KCNB2: variants seen among roughly 807,000 people sequenced by gnomAD.
KCNB2 encodes the protein potassium voltage-gated channel subfamily B member 2, also known as delayed rectifier potassium channel protein.
A neutral mutation model predicts 61.5 loss-of-function variants in KCNB2; 15 were observed. That is an observed-to-expected ratio of 0.24 (90% CI 0.16 to 0.38). The LOEUF is 0.38. Ranked by LOEUF, KCNB2 falls within the 10% of genes least tolerant of loss-of-function variation. The pLI, the probability that KCNB2 is intolerant of heterozygous loss-of-function variation, is 1.00. For synonymous variants in KCNB2, 457 were observed against 446.0 expected (o/e 1.02, Z -0.31); for missense variants, 828 against 1,125.2 (o/e 0.74, Z 3.78).
chr8:72,929,773 G>A (rs774061012), intron 2 of KCNB2, among the ~76,000 whole-genome samples: 12 of 152,006 alleles, frequency 7.9e-5, no homozygotes, highest in African/African-American at 1.2e-4. Flanking sequence ...TTCCCTGGCC[G>A]TATACACACA....
rs79306657 is a variant in KCNB2, at chr8:72,837,494, C to T, written c.580-98441C>T. On this transcript the variant is annotated intron_variant, in intron 2 of 2. Coordinates refer to ENST00000523207, the MANE Select transcript of KCNB2 (RefSeq NM_004770.3). Reference sequence around the variant, plus strand: ...AGACAGGCACCATCCTTAGTTGTGCCATGACATTTTCATCGATCAGATTAC... The same window carrying T: ...AGACAGGCACCATCCTTAGTTGTGCTATGACATTTTCATCGATCAGATTAC... Among the ~76,000 whole-genome samples, 662 of 152,300 alleles carry T rather than the reference C, an allele frequency of 4.3e-3. 3 individuals carry two copies. The highest frequency in any genetic ancestry group is 8.5e-3 in the Non-Finnish European group (579 of 68,020).
At chr8:72,678,998 A>G (rs1806708574) in intron 2 of KCNB2, among the ~76,000 whole-genome samples, 1 of 152,128 alleles carries the variant, frequency 6.6e-6, no homozygotes, top group Admixed American at 6.5e-5. Context: ...TTTGGTGTCT[A>G]GATGAGTGCC....
At chr8:72,842,542 C>T (rs983422357) in intron 2 of KCNB2, among the ~76,000 whole-genome samples, 3 of 152,094 alleles carry the variant, frequency 2.0e-5, no homozygotes, top group Non-Finnish European at 4.4e-5. Flanking sequence ...TGGTAGAATT[C>T]GGCTGTGAAT....
chr8:72,900,557 G>A (rs937173443), intron 2 of KCNB2, among the ~76,000 whole-genome samples: 1 of 152,012 alleles, frequency 6.6e-6, no homozygotes, highest in African/African-American at 2.4e-5. Flanking sequence ...GAATAAACAG[G>A]CAACATACAG....
chr8:72,707,962 C>G (rs1807260354), intron 2 of KCNB2, among the ~76,000 whole-genome samples: 2 of 152,134 alleles, frequency 1.3e-5, no homozygotes, highest in Admixed American at 1.3e-4. Context: ...TCTTCCTACC[C>G]CAAGGCCTGA....
At chr8:72,592,677 G>A (rs1164486855) in intron 2 of KCNB2, among the ~76,000 whole-genome samples, 1 of 152,068 alleles carries the variant, frequency 6.6e-6, no homozygotes, top group Non-Finnish European at 1.5e-5. Flanking sequence ...TCTTGTCTTG[G>A]TGAATATGAA....
intron 1 of KCNB2, among the ~76,000 whole-genome samples, chr8:72,556,951 G>C (rs1806438831): frequency 6.6e-6 from 1 of 152,060 alleles, no homozygotes; most frequent in Admixed American, 6.6e-5. Context: ...TCTGGTGAGG[G>C]CCTCTTCCTT....
chr8:72,544,831 CATG>C (rs1447558504), intron 1 of KCNB2, among the ~76,000 whole-genome samples: 1 of 152,134 alleles, frequency 6.6e-6, no homozygotes, highest in South Asian at 2.1e-4. Flanking sequence ...ATACTAGAAA[CATG>C]AAGCTCTCTG....
intron 2 of KCNB2, among the ~76,000 whole-genome samples, chr8:72,676,658 T>C (rs908545057): frequency 1.2e-4 from 19 of 152,038 alleles, no homozygotes; most frequent in African/African-American, 4.3e-4. Flanking sequence ...GAAGAAAAAG[T>C]ATTAACTATT....
In KCNB2 at chr8:72,874,123, CT is replaced by C. The variant is rs1805664601; in HGVS notation, c.580-61811del. On this transcript the variant is annotated intron_variant, in intron 2 of 2. Coordinates refer to ENST00000523207, the MANE Select transcript of KCNB2 (RefSeq NM_004770.3). ...ATTTAAAATGAATTGGGATTATTTG[CT>C]CTCGTATCAGTTGGAGACTATTCTT... Among the ~76,000 whole-genome samples the C allele has an allele frequency of 2.6e-5, 4 of 152,306 alleles. No individual in the cohort carries two copies. In the South Asian group the frequency reaches 8.3e-4, roughly 32 times the overall value.
intron 2 of KCNB2, among the ~76,000 whole-genome samples, chr8:72,589,955 C>T (rs182442391): frequency 1.2e-4 from 19 of 152,228 alleles, no homozygotes; most frequent in African/African-American, 4.1e-4. Context: ...TTCCTTTTAT[C>T]GCTTTTATAT....
chr8:72,587,919 T>C (rs1807025442), intron 2 of KCNB2, among the ~76,000 whole-genome samples: 1 of 152,234 alleles, frequency 6.6e-6, no homozygotes, highest in Non-Finnish European at 1.5e-5. Context: ...GTTAACTTTA[T>C]AAAATGATTC....
chr8:72,643,319 A>G (rs1464747875), intron 2 of KCNB2, among the ~76,000 whole-genome samples: 1 of 152,192 alleles, frequency 6.6e-6, no homozygotes, highest in Non-Finnish European at 1.5e-5. Context: ...GGGATGGGCT[A>G]GAACTCCCTG....
chr8:72,763,450 G>C (rs1291961542), intron 2 of KCNB2, among the ~76,000 whole-genome samples: 1 of 152,142 alleles, frequency 6.6e-6, no homozygotes, highest in East Asian at 1.9e-4. Context: ...CCAGTGTCTA[G>C]ATGGGCATCG....
At chr8:72,561,750 TA>T in intron 1 of KCNB2, among the ~76,000 whole-genome samples, 1 of 40,140 alleles carries the variant, frequency 2.5e-5, no homozygotes, top group South Asian at 6.7e-4. Context: ...TATATATGTA[TA>T]TATATATATG....
chr8:72,570,909 T>G (rs980473647), intron 2 of KCNB2, among the ~76,000 whole-genome samples: 12 of 152,222 alleles, frequency 7.9e-5, no homozygotes, highest in African/African-American at 2.7e-4. Flanking sequence ...CCACACACAT[T>G]AAAGTAGATA....
chr8:72,612,140 A>T (rs1805552582), intron 2 of KCNB2, among the ~76,000 whole-genome samples: 1 of 152,202 alleles, frequency 6.6e-6, no homozygotes, highest in South Asian at 2.1e-4. Context: ...CCATCAATAA[A>T]TTCTGTGACT....
chr8:72,842,451 A>C (rs992276400), intron 2 of KCNB2, among the ~76,000 whole-genome samples: 1 of 152,136 alleles, frequency 6.6e-6, no homozygotes, highest in African/African-American at 2.4e-5. Context: ...GGCCTCATAA[A>C]ATGAGTTAGG....
At chr8:72,860,439 G>A (rs1810281333) in intron 2 of KCNB2, among the ~76,000 whole-genome samples, 2 of 152,130 alleles carry the variant, frequency 1.3e-5, no homozygotes, top group East Asian at 3.9e-4. Flanking sequence ...ACAATGTTGG[G>A]CATCTTTTAA....
Sources: allele counts gnomAD v4.1 joint callset (sites outside exome capture counted in the v4.1 genomes callset), GRCh38; gene constraint gnomAD v4.1.1; transcripts MANE v1.5; gene names NCBI Gene and HGNC (gene_info 2026-07-23, HGNC 2026-07-21).